Variants in MMP26 observed in about 807,000 individuals in gnomAD.
The protein encoded by MMP26 is matrix metallopeptidase 26, also known as matrix metalloproteinase-26.
Under a neutral mutation model 31.0 loss-of-function variants are expected in MMP26, and 33 were observed. The observed-to-expected ratio is 1.06, with a 90% CI of 0.81 to 1.42. MMP26 has a LOEUF of 1.42. Among genes scored for constraint, MMP26 ranks in the 40% most tolerant of loss-of-function variants. MMP26 has a pLI of 0.00. For missense variants in MMP26, 347 were observed against 316.1 expected (o/e 1.10, Z -0.74); for synonymous variants, 122 against 114.9 (o/e 1.06, Z -0.40).
chr11:4,935,580 C>A (rs1851427522), intron 2 of MMP26, among the ~76,000 whole-genome samples: 2 of 152,118 alleles, frequency 1.3e-5, no homozygotes, highest in Admixed American at 6.6e-5. Flanking sequence ...CCTTCTCCTG[C>A]CTAATTGCCC....
At chr11:4,809,391 G>A (rs568337943) in intron 2 of MMP26, among the ~76,000 whole-genome samples, 12 of 152,302 alleles carry the variant, frequency 7.9e-5, no homozygotes, top group African/African-American at 2.4e-4. Flanking sequence ...CACACTGAGT[G>A]GAGCTCAGTT....
intron 2 of MMP26, among the ~76,000 whole-genome samples, chr11:4,818,362 C>T (rs574067865): frequency 1.7e-4 from 25 of 150,446 alleles, no homozygotes; most frequent in East Asian, 3.9e-4. Context: ...ATTTTATGTA[C>T]GTCATCAAAC....
intron 1 of MMP26, among the ~76,000 whole-genome samples, chr11:4,732,794 C>T (rs766787282): frequency 1.4e-4 from 22 of 152,212 alleles, no homozygotes; most frequent in Non-Finnish European, 2.4e-4. Flanking sequence ...AGTATTAGTA[C>T]TTCAGTCCTT....
At chr11:4,718,681 G>A (rs1807882480) in intron 1 of MMP26, 1 of 155,180 alleles carries the variant, frequency 6.4e-6, no homozygotes, top group African/African-American at 2.4e-5. Context: ...TGGGCTGGAA[G>A]CCTTCCACAC....
rs543917797 is a variant in MMP26 at position 4,956,955 on chromosome 11, A to G, written c.-144-31113A>G. ...GATTTGGAATCTTGAAATTTTTTAA[A>G]TAATATAATCAAGTTATATCATTAT... On this transcript the variant is annotated intron_variant, in intron 2 of 7. Transcript: ENST00000380390. Among the ~76,000 whole-genome samples the G allele has an allele frequency of 6.6e-5, 10 of 152,336 alleles. No homozygotes were observed. In the South Asian group the frequency reaches 1.9e-3, roughly 28 times the overall value.
intron 2 of MMP26, among the ~76,000 whole-genome samples, chr11:4,874,191 A>G (rs971514491): frequency 6.6e-6 from 1 of 152,150 alleles, no homozygotes; most frequent in Non-Finnish European, 1.5e-5. Flanking sequence ...GCTATTGAAC[A>G]TTTAAAATAC....
At chr11:4,732,030 C>A (rs980840831) in intron 1 of MMP26, among the ~76,000 whole-genome samples, 10 of 152,134 alleles carry the variant, frequency 6.6e-5, no homozygotes, top group Non-Finnish European at 1.0e-4. Flanking sequence ...CACCTTGAGG[C>A]AAATATCTCT....
intron 1 of MMP26, among the ~76,000 whole-genome samples, chr11:4,745,124 A>G (rs775979380): frequency 2.6e-5 from 4 of 152,214 alleles, no homozygotes; most frequent in Non-Finnish European, 5.9e-5. Context: ...TAAAAAGTGT[A>G]CACATATAGT....
At chr11:4,944,735 A>C (rs1846268261) in intron 2 of MMP26, 2 of 152,156 alleles carry the variant, frequency 1.3e-5, no homozygotes, top group South Asian at 4.1e-4. Context: ...ACAATTTTTC[A>C]GCCACAAATC....
intron 2 of MMP26, among the ~76,000 whole-genome samples, chr11:4,935,374 G>A: frequency 6.6e-6 from 1 of 152,086 alleles, no homozygotes; most frequent in East Asian, 1.9e-4. Context: ...TTGGCTCTCT[G>A]TTTGTCTGTT....
intron 2 of MMP26, among the ~76,000 whole-genome samples, chr11:4,987,280 G>A (rs937711574): frequency 1.3e-5 from 2 of 152,020 alleles, no homozygotes; most frequent in East Asian, 1.9e-4. Flanking sequence ...ATCTATAGAC[G>A]TGTGCGTGTC....
At chr11:4,837,733 C>G (rs1190625015) in intron 2 of MMP26, among the ~76,000 whole-genome samples, 1 of 151,850 alleles carries the variant, frequency 6.6e-6, no homozygotes, top group African/African-American at 2.4e-5. Flanking sequence ...CTTGAAGGTT[C>G]TGACAGAATT....
At chr11:4,846,967 G>T (rs779774482) in intron 2 of MMP26, among the ~76,000 whole-genome samples, 27 of 152,128 alleles carry the variant, frequency 1.8e-4, no homozygotes, top group Non-Finnish European at 7.4e-5. Flanking sequence ...TGACTTGCTG[G>T]CTTTGCTTCA....
In MMP26 at chr11:4,895,138, G is replaced by T. The variant is rs1850681591; in HGVS notation, c.-144-92930G>T. 2.0e-5 allele frequency among the ~76,000 whole-genome samples: 3 copies of T among 152,058 alleles called. No individual in the cohort carries two copies. The South Asian group carries it at 6.2e-4, about 32-fold the overall frequency. ...AAATATTTTTAATTAAATTGATTTT[G>T]TAAAGAAAGCTTCAGATTTTACTAC... is the stretch of plus-strand genomic sequence containing the variant. On this transcript the variant is annotated intron_variant, in intron 2 of 7. Coordinates refer to ENST00000380390, the MANE Select transcript of MMP26 (RefSeq NM_021801.5).
intron 2 of MMP26, among the ~76,000 whole-genome samples, chr11:4,891,833 A>G (rs1426485045): frequency 1.3e-5 from 2 of 152,256 alleles, no homozygotes; most frequent in East Asian, 1.9e-4. Context: ...CTATAGCAAG[A>G]TTGGAGACAT....
At chr11:4,923,937 A>C (rs1851226691) in intron 2 of MMP26, 1 of 1,614,068 alleles carries the variant, frequency 6.2e-7, no homozygotes, top group African/African-American at 1.3e-5. Flanking sequence ...AGGACGGTGG[A>C]GTCATGCAGT....
intron 2 of MMP26, among the ~76,000 whole-genome samples, chr11:4,812,517 A>G (rs76399455): frequency 0.011 from 1,693 of 152,286 alleles, 34 homozygotes; most frequent in African/African-American, 0.036. Context: ...GTAGGCAGAA[A>G]GGAGAAGGGG....
intron 2 of MMP26, among the ~76,000 whole-genome samples, chr11:4,833,339 C>T (rs923307732): frequency 3.3e-5 from 5 of 152,076 alleles, no homozygotes; most frequent in Non-Finnish European, 5.9e-5. Context: ...TTCTCAGACA[C>T]GAGAAGGAAG....
chr11:4,766,446 G>A (rs763808678), intron 1 of MMP26, among the ~76,000 whole-genome samples: 7 of 152,148 alleles, frequency 4.6e-5, no homozygotes, highest in East Asian at 1.9e-4. Context: ...ATTTTTCCCC[G>A]GATACAGATG....
Sources: allele counts gnomAD v4.1 joint callset (sites outside exome capture counted in the v4.1 genomes callset), GRCh38; gene constraint gnomAD v4.1.1; transcripts MANE v1.5; gene names NCBI Gene and HGNC (gene_info 2026-07-23, HGNC 2026-07-21).